The following ZNF516 variants were observed in gnomAD, a reference collection of about 807,000 sequenced individuals.
The protein encoded by ZNF516 is zinc finger protein 516.
ZNF516 carries 19 observed loss-of-function variants against 79.7 expected under a neutral mutation model. The observed-to-expected ratio is 0.24, with a 90% CI of 0.17 to 0.35. ZNF516 has a LOEUF of 0.35. Among genes scored for constraint, ZNF516 ranks in the 10% least tolerant of loss-of-function variants. The pLI is 1.00. For missense variants in ZNF516, 1,678 were observed against 1,679.5 expected (o/e 1.00, Z 0.02); for synonymous variants, 877 against 739.5 (o/e 1.19, Z -3.02).
chr18:76,494,152 C>T (rs1915380148), intron 1 of ZNF516, among the ~76,000 whole-genome samples: 1 of 152,194 alleles, frequency 6.6e-6, no homozygotes, highest in Non-Finnish European at 1.5e-5. Context: ...ACATAAACTG[C>T]TGCTTTTAAA....
At position 76,379,633 on chromosome 18, in the gene ZNF516, G is replaced by A. The variant is rs771544546; in HGVS notation, c.2481C>T (p.Cys827=). ...TGAACCGAGCAAGGAGCAAAGGCTG[G>A]CATTCTTTGCCACCGAGGGCAGGCG... ...GPPPALGGKE[C]QPLLLARFTR... The change falls in exon 4 of 7, where the codon TGC becomes TGT. Residue 827 remains cysteine, a synonymous_variant. Coordinates refer to ENST00000443185, the MANE Select transcript of ZNF516 (RefSeq NM_014643.4). The A allele has an allele frequency of 3.7e-6, 6 of 1,613,564 alleles. No individual in the cohort carries two copies. The African/African-American group carries it at 8.0e-5, about 22-fold the overall frequency.
In ZNF516 at chr18:76,379,892, C is replaced by T. The variant is rs1266934432; in HGVS notation, c.2222G>A (p.Arg741Gln). 7.4e-6 allele frequency: 12 copies of T among 1,613,934 alleles called. No homozygotes were observed. The highest frequency in any genetic ancestry group is 2.2e-5 in the East Asian group (1 of 44,852). The change falls in exon 4 of 7, where the codon CGG becomes CAG. Residue 741 changes from arginine to glutamine, a missense_variant. Coordinates refer to ENST00000443185, the MANE Select transcript of ZNF516 (RefSeq NM_014643.4). ...MPLDLSARST[R>Q]DDPSNKETAS... ...CGTCTCCTTATTGCTGGGGTCATCC[C>T]GCGTCGACCTCGCACTTAAATCTAG... is the stretch of plus-strand genomic sequence containing the variant.
intron 3 of ZNF516, among the ~76,000 whole-genome samples, chr18:76,406,576 A>G (rs1460041273): frequency 2.6e-5 from 4 of 152,086 alleles, no homozygotes; most frequent in Admixed American, 6.5e-5. Flanking sequence ...AAGAAAAACA[A>G]AACAAAACAA....
At chr18:76,373,267 G>A (rs2074736570) in intron 4 of ZNF516, among the ~76,000 whole-genome samples, 1 of 151,472 alleles carries the variant, frequency 6.6e-6, no homozygotes, top group South Asian at 2.1e-4. Flanking sequence ...GAGGGGAAAG[G>A]AGGGGAGACA....
Position 76,406,924 on chromosome 18 carries a change from G to A in ZNF516, c.1811-26621C>T, listed in dbSNP as rs569572687. On this transcript the variant is annotated intron_variant, in intron 3 of 6. Transcript: ENST00000443185. Reference sequence around the variant, plus strand: ...GCATCTCAGTGTCCCCTGCCAGGCCGGAGTCCCCGTGCTCCTGCCTGGGGC... The same window carrying A: ...GCATCTCAGTGTCCCCTGCCAGGCCAGAGTCCCCGTGCTCCTGCCTGGGGC... Among the ~76,000 whole-genome samples the A allele has an allele frequency of 4.9e-4, 75 of 151,926 alleles. No homozygotes were observed. In the East Asian group the frequency reaches 0.011, roughly 23 times the overall value.
chr18:76,485,850 T>A (rs866195441), intron 1 of ZNF516, among the ~76,000 whole-genome samples: 43 of 150,182 alleles, frequency 2.9e-4, no homozygotes, highest in African/African-American at 1.0e-3. Context: ...TGTCCATTTG[T>A]TCATTAACTC....
intron 1 of ZNF516, chr18:76,492,644 A>C (rs1275531217): frequency 2.2e-6 from 2 of 902,636 alleles, no homozygotes; most frequent in East Asian, 2.4e-4. Flanking sequence ...ACCTGAACCA[A>C]AAACGCACCA....
rs773607566 is a variant in ZNF516, at chr18:76,441,449, C to T, written c.1606G>A (p.Val536Met). Reference protein sequence around the residue: ...TYHQMVLHSRVHRRARRERDS... With the variant: ...TYHQMVLHSRMHRRARRERDS... ...CTCTCGCGGCGCGCGCGGCGATGCA[C>T]GCGTGAGTGCAGCACCATCTGATGA... is the stretch of plus-strand genomic sequence containing the variant. The change falls in exon 3 of 7, where the codon GTG (valine) becomes ATG (methionine). Residue 536 changes from valine to methionine, a missense_variant. Physicochemically the swap from Val to Met is conservative, Grantham distance 21 (BLOSUM62 1). Around this residue, in one of 5 missense-constraint regions of ZNF516, gnomAD observed 1,294 missense variants for 1,248.3 expected, o/e 1.04. Coordinates refer to ENST00000443185, the MANE Select transcript of ZNF516 (RefSeq NM_014643.4). 4 of 1,606,000 alleles carry T rather than the reference C, an allele frequency of 2.5e-6. No homozygotes were observed. The highest frequency in any genetic ancestry group is 1.7e-6 in the Non-Finnish European group (2 of 1,177,578).
intron 1 of ZNF516, among the ~76,000 whole-genome samples, chr18:76,486,548 A>G (rs1470667866): frequency 6.6e-6 from 1 of 152,144 alleles, no homozygotes; most frequent in African/African-American, 2.4e-5. Flanking sequence ...GTGTCCTGAA[A>G]ACTAACACCA....
chr18:76,358,579 T>C lies in ZNF516; in HGVS notation c.*3919A>G, dbSNP rs1263008675. ...GAAGTCCTGGCCTGTGGTTGTTTCA[T>C]CTGTTTTTTTGCTCAGTGAACAAAA... On this transcript the variant is annotated 3_prime_UTR_variant, in exon 7 of 7. Coordinates refer to ENST00000443185, the MANE Select transcript of ZNF516 (RefSeq NM_014643.4). 1 of 152,266 alleles carries C rather than the reference T, an allele frequency of 6.6e-6. No homozygotes were observed. The highest frequency in any genetic ancestry group is 2.4e-5 in the African/African-American group (1 of 41,470). The allele number at this position is 152,266 out of a possible 1,614,324, so 9.4% of individuals were successfully genotyped here.
intron 3 of ZNF516, among the ~76,000 whole-genome samples, chr18:76,403,386 G>T (rs1439786291): frequency 6.6e-6 from 1 of 152,166 alleles, no homozygotes; most frequent in Non-Finnish European, 1.5e-5. Context: ...CAAGCATGTG[G>T]TCATGCATTC....
At chr18:76,462,402 G>A (rs376685821) in intron 2 of ZNF516, among the ~76,000 whole-genome samples, 24 of 152,292 alleles carry the variant, frequency 1.6e-4, no homozygotes, top group Middle Eastern at 3.4e-3. Context: ...CTCCTCCAAC[G>A]CCCCTTTAGT....
At chr18:76,363,464 A>C (rs901475043) in intron 6 of ZNF516, among the ~76,000 whole-genome samples, 12 of 152,238 alleles carry the variant, frequency 7.9e-5, no homozygotes, top group Non-Finnish European at 1.5e-4. Context: ...GAAAACTCCT[A>C]CTTACAGCTG....
At chr18:76,474,797 G>A (rs1215441702) in intron 1 of ZNF516, among the ~76,000 whole-genome samples, 1 of 152,124 alleles carries the variant, frequency 6.6e-6, no homozygotes, top group African/African-American at 2.4e-5. Context: ...GAGGAATTAG[G>A]TCTAATAACC....
chr18:76,457,018 G>C (rs1357797250), intron 2 of ZNF516, among the ~76,000 whole-genome samples: 1 of 152,224 alleles, frequency 6.6e-6, no homozygotes, highest in South Asian at 2.1e-4. Context: ...AAGACCACAG[G>C]CTTCAGATTT....
intron 3 of ZNF516, among the ~76,000 whole-genome samples, chr18:76,415,289 C>T (rs1280785910): frequency 1.3e-5 from 2 of 152,196 alleles, no homozygotes; most frequent in Non-Finnish European, 2.9e-5. Context: ...CAGAACAGAA[C>T]TGATAAGGCG....
intron 4 of ZNF516, among the ~76,000 whole-genome samples, chr18:76,374,253 A>G (rs1183875362): frequency 1.3e-5 from 2 of 152,348 alleles, no homozygotes; most frequent in East Asian, 3.9e-4. Context: ...GATTCATACT[A>G]TCAGATCATC....
chr18:76,456,596 C>A (rs537267413), intron 2 of ZNF516, among the ~76,000 whole-genome samples: 2 of 152,278 alleles, frequency 1.3e-5, no homozygotes, highest in Admixed American at 6.5e-5. Context: ...CCCAGGCTTC[C>A]TCCCGGGAAT....
At chr18:76,364,601 G>A (rs1329538192) in intron 6 of ZNF516, among the ~76,000 whole-genome samples, 2 of 152,166 alleles carry the variant, frequency 1.3e-5, no homozygotes, top group African/African-American at 4.8e-5. Flanking sequence ...GGGACTTCAC[G>A]AGGTCCACTT....
Sources: gnomAD v4.1 joint callset for allele counts (sites outside exome capture counted in the v4.1 genomes callset) on GRCh38, gnomAD v4.1.1 for gene constraint, gnomAD v4.1.1 regional missense constraint, MANE v1.5 for transcripts, NCBI Gene and HGNC (gene_info 2026-07-23, HGNC 2026-07-21) for gene names.